The following SLIT2 variants were observed in gnomAD, a reference collection of about 807,000 sequenced individuals.
The protein encoded by SLIT2 is slit homolog 2 protein.
SLIT2 carries 41 observed loss-of-function variants against 185.7 expected under a neutral mutation model. The observed-to-expected ratio is 0.22, with a 90% CI of 0.17 to 0.29. The LOEUF (loss-of-function observed/expected upper bound fraction) is 0.29, where lower values mean the gene tolerates loss of function less well. Ranked by LOEUF, SLIT2 falls within the 10% of genes least tolerant of loss-of-function variation. The pLI is 1.00. For synonymous variants in SLIT2, 693 were observed against 680.2 expected (o/e 1.02, Z -0.29); for missense variants, 1,571 against 1,909.0 (o/e 0.82, Z 3.30).
At chr4:20,570,737 A>G (rs5007290) in intron 29 of SLIT2, among the ~76,000 whole-genome samples, 32,641 of 76,332 alleles carry the variant, frequency 0.43, 4,215 homozygotes, top group Admixed American at 0.47. Context: ...ATATGTATAT[A>G]TATATATATA....
At chr4:20,430,154 T>C (rs999726389) in intron 4 of SLIT2, among the ~76,000 whole-genome samples, 1 of 152,164 alleles carries the variant, frequency 6.6e-6, no homozygotes, top group African/African-American at 2.4e-5. Flanking sequence ...ATACATGTTT[T>C]AAAAATTCTT....
chr4:20,482,279 G>A (rs1716777426), intron 6 of SLIT2, among the ~76,000 whole-genome samples: 1 of 151,852 alleles, frequency 6.6e-6, no homozygotes, highest in Admixed American at 6.6e-5. Context: ...TTGCTATCTT[G>A]GATGAATTAA....
intron 4 of SLIT2, among the ~76,000 whole-genome samples, chr4:20,426,674 A>G (rs1728580107): frequency 6.6e-6 from 1 of 152,210 alleles, no homozygotes; most frequent in Non-Finnish European, 1.5e-5. Context: ...CCGTAACTTA[A>G]GAAATGAGAG....
chr4:20,531,507 T>C (rs904001841), intron 16 of SLIT2, among the ~76,000 whole-genome samples: 3 of 152,170 alleles, frequency 2.0e-5, no homozygotes, highest in Non-Finnish European at 4.4e-5. Flanking sequence ...ATGGGGTTTC[T>C]TTTGGGGGTA....
chr4:20,374,484 A>C (rs1225388766), intron 4 of SLIT2, among the ~76,000 whole-genome samples: 2 of 152,126 alleles, frequency 1.3e-5, no homozygotes, highest in Non-Finnish European at 2.9e-5. Context: ...TGCTTTAAGC[A>C]GTCCAGACCT....
At chr4:20,332,489 C>G (rs1720154541) in intron 4 of SLIT2, among the ~76,000 whole-genome samples, 1 of 152,038 alleles carries the variant, frequency 6.6e-6, no homozygotes, top group African/African-American at 2.4e-5. Flanking sequence ...CGAGACCAGC[C>G]TGGCTAATGT....
intron 33 of SLIT2, among the ~76,000 whole-genome samples, chr4:20,600,313 C>T (rs1364219715): frequency 6.6e-6 from 1 of 151,398 alleles, no homozygotes; most frequent in East Asian, 1.9e-4. Context: ...CAAACAAGGA[C>T]CTACCATAAC....
chr4:20,286,672 T>A lies in SLIT2; in HGVS notation c.395+17791T>A, dbSNP rs191993591. On this transcript the variant is annotated intron_variant, in intron 4 of 36. Transcript: ENST00000504154. ...AAAAAATTAGATGGGCGTGGTAGCG[T>A]GTGCCTGCAGTCCCAGCTACTCGGG... Among the ~76,000 whole-genome samples, 991 of 152,176 alleles carry A rather than the reference T, an allele frequency of 6.5e-3. 10 individuals carry two copies. Among genetic ancestry groups the A allele is most frequent in the African/African-American group, 0.023 (950 of 41,534 alleles).
intron 33 of SLIT2, among the ~76,000 whole-genome samples, chr4:20,603,289 C>T (rs1228159721): frequency 1.3e-5 from 2 of 152,104 alleles, no homozygotes; most frequent in Non-Finnish European, 2.9e-5. Flanking sequence ...AAACCGCCCC[C>T]ATAATTCGAT....
rs879537142 is a variant in SLIT2, at chr4:20,283,118, G to GCA, written c.395+14238_395+14239insAC. ...GTTGCCTGTGTGCCTGTGTGCGCGC[G>GCA]CGCACACACACACACACACACACAC... On this transcript the variant is annotated intron_variant, in intron 4 of 36. Coordinates refer to ENST00000504154, the MANE Select transcript of SLIT2 (RefSeq NM_004787.4). 9.5e-4 allele frequency among the ~76,000 whole-genome samples: 108 copies of GCA among 113,274 alleles called. No homozygotes were observed. The East Asian group carries it at 9.6e-3, about 10-fold the overall frequency. 74.3% of individuals were successfully genotyped at this position (113,274 alleles called of 152,430 possible).
At chr4:20,334,262 C>T (rs951312257) in intron 4 of SLIT2, among the ~76,000 whole-genome samples, 12 of 152,042 alleles carry the variant, frequency 7.9e-5, no homozygotes, top group Admixed American at 2.0e-4. Flanking sequence ...TTGCTTCATT[C>T]GGGATGACAT....
Position 20,528,887 on chromosome 4 carries a change from A to T in SLIT2, c.1463-62A>T. 7.3e-7 allele frequency: 1 copy of T among 1,374,614 alleles called. No homozygotes were observed. Among genetic ancestry groups the T allele is most frequent in the Non-Finnish European group, 1.0e-6 (1 of 1,002,254 alleles). The allele number at this position is 1,374,614 out of a possible 1,614,324, so 85.2% of individuals were successfully genotyped here. A position where few individuals can be genotyped will look rare whatever the true frequency, so the allele number is the denominator to read the frequency against. On this transcript the variant is annotated intron_variant, in intron 15 of 36. Transcript: ENST00000504154. The surrounding 1 kb of genome is among the most constrained non-coding windows in gnomAD (Gnocchi z 4.2). ...AGTTATCTTACTTTTTTCTTCCTAC[A>T]AACTAATAAATTTTCTAACCTTTAG...
chr4:20,558,153 A>G (rs1478298061), intron 26 of SLIT2, among the ~76,000 whole-genome samples: 1 of 152,066 alleles, frequency 6.6e-6, no homozygotes, highest in African/African-American at 2.4e-5. Flanking sequence ...TTGATAACAC[A>G]ATGGCAGAGT....
intron 4 of SLIT2, among the ~76,000 whole-genome samples, chr4:20,295,837 A>G (rs1032420410): frequency 1.1e-5 from 1 of 92,634 alleles, no homozygotes; most frequent in Admixed American, 1.6e-4. Context: ...AGTACTAGGA[A>G]AAAAAAATAA....
intron 4 of SLIT2, among the ~76,000 whole-genome samples, chr4:20,356,117 G>T (rs942135688): frequency 6.6e-6 from 1 of 152,106 alleles, no homozygotes; most frequent in African/African-American, 2.4e-5. Flanking sequence ...ATTTTGGGAT[G>T]CCATTCAGTA....
intron 26 of SLIT2, among the ~76,000 whole-genome samples, chr4:20,554,929 C>A (rs1245276288): frequency 2.0e-5 from 3 of 152,054 alleles, no homozygotes; most frequent in African/African-American, 7.2e-5. Flanking sequence ...GCCAACATAC[C>A]CAGCTAATTT....
intron 4 of SLIT2, among the ~76,000 whole-genome samples, chr4:20,418,620 T>C (rs747821519): frequency 6.6e-6 from 1 of 152,324 alleles, no homozygotes; most frequent in East Asian, 1.9e-4. Context: ...CCCGATAGCA[T>C]ATGTTGTGCA....
chr4:20,326,117 A>G (rs957740554), intron 4 of SLIT2, among the ~76,000 whole-genome samples: 1 of 152,088 alleles, frequency 6.6e-6, no homozygotes, highest in Non-Finnish European at 1.5e-5. Flanking sequence ...CTGGAGTATA[A>G]ATAGCATAGA....
At chr4:20,493,377 A>G (rs1717955118) in intron 9 of SLIT2, among the ~76,000 whole-genome samples, 1 of 152,242 alleles carries the variant, frequency 6.6e-6, no homozygotes, top group African/African-American at 2.4e-5. Context: ...TAAGGGAACT[A>G]TATAGTCATC....
Sources: gnomAD v4.1 joint callset for allele counts (sites outside exome capture counted in the v4.1 genomes callset) on GRCh38, gnomAD v4.1.1 for gene constraint, Gnocchi (gnomAD v3.1) non-coding constraint, MANE v1.5 for transcripts, NCBI Gene and HGNC (gene_info 2026-07-23, HGNC 2026-07-21) for gene names.